Variants in NAALADL2 observed in about 807,000 individuals in gnomAD.
The protein encoded by NAALADL2 is inactive N-acetylated-alpha-linked acidic dipeptidase-like protein 2.
In NAALADL2, 76 loss-of-function variants were observed where a neutral mutation model predicts 87.2. The ratio of observed to expected loss-of-function variants is 0.87; its 90% CI spans 0.72 to 1.05. The LOEUF (loss-of-function observed/expected upper bound fraction) is 1.05, where lower values mean the gene tolerates loss of function less well. Ranked by LOEUF, NAALADL2 falls within the 50% of genes least tolerant of loss-of-function variation. NAALADL2 has a pLI of 0.00. For synonymous variants in NAALADL2, 354 were observed against 331.0 expected (o/e 1.07, Z -0.75); for missense variants, 1,089 against 945.8 (o/e 1.15, Z -1.99).
At chr3:175,693,717 T>C (rs191507796) in intron 11 of NAALADL2, among the ~76,000 whole-genome samples, 66 of 152,234 alleles carry the variant, frequency 4.3e-4, no homozygotes, top group Non-Finnish European at 6.6e-4. Flanking sequence ...GTTTGTTCGT[T>C]TTGACAGAGT....
chr3:175,159,995 C>G (rs1257560286), intron 2 of NAALADL2, among the ~76,000 whole-genome samples: 1 of 55,248 alleles, frequency 1.8e-5, no homozygotes, highest in Non-Finnish European at 5.6e-5. Flanking sequence ...TGCTACCACT[C>G]GTGACTTTTT....
At chr3:175,177,883 ATAATC>A (rs1437845597) in intron 2 of NAALADL2, among the ~76,000 whole-genome samples, 2 of 151,824 alleles carry the variant, frequency 1.3e-5, no homozygotes, top group Non-Finnish European at 2.9e-5. Context: ...CACCTACAAA[ATAATC>A]TAAAAGCAGC....
At chr3:175,408,204 A>C (rs1402312820) in intron 5 of NAALADL2, among the ~76,000 whole-genome samples, 1 of 152,104 alleles carries the variant, frequency 6.6e-6, no homozygotes, top group Admixed American at 6.6e-5. Flanking sequence ...TTGGTGATCT[A>C]TTGCTCTGCA....
chr3:175,570,456 A>T (rs1717886889), intron 9 of NAALADL2, among the ~76,000 whole-genome samples: 1 of 152,146 alleles, frequency 6.6e-6, no homozygotes, highest in Non-Finnish European at 1.5e-5. Context: ...GCAAGAAATC[A>T]TTTTTTTAAC....
intron 2 of NAALADL2, among the ~76,000 whole-genome samples, chr3:175,163,336 T>G (rs1733516054): frequency 6.6e-6 from 1 of 152,106 alleles, no homozygotes; most frequent in South Asian, 2.1e-4. Flanking sequence ...CATACTCTTT[T>G]TAAATGATGA....
At chr3:174,831,215 G>T (rs1328326525) in intron 3 of NAALADL2, among the ~76,000 whole-genome samples, 1 of 151,766 alleles carries the variant, frequency 6.6e-6, no homozygotes, top group Non-Finnish European at 1.5e-5. Flanking sequence ...TCCAGCTTTT[G>T]CCCATTCAGT....
At chr3:175,112,216 C>A (rs1724307589) in intron 2 of NAALADL2, among the ~76,000 whole-genome samples, 1 of 151,324 alleles carries the variant, frequency 6.6e-6, no homozygotes, top group African/African-American at 2.4e-5. Flanking sequence ...TGGAGTGTTG[C>A]CCAGCCCATG....
intron 1 of NAALADL2, among the ~76,000 whole-genome samples, chr3:174,865,865 T>C (rs1727079445): frequency 6.6e-6 from 1 of 151,954 alleles, no homozygotes; most frequent in Non-Finnish European, 1.5e-5. Context: ...ATGTATTTAC[T>C]TGCTTTATTT....
Position 175,337,149 on chromosome 3 carries a change from A to G in NAALADL2, c.1090+12824A>G, listed in dbSNP as rs75297510. 6.7e-3 allele frequency among the ~76,000 whole-genome samples: 1,012 copies of G among 152,124 alleles called. 7 individuals are homozygous for G. The highest frequency in any genetic ancestry group is 0.025 in the South Asian group (119 of 4,808). On this transcript the variant is annotated intron_variant, in intron 5 of 13. Coordinates refer to ENST00000454872, the MANE Select transcript of NAALADL2 (RefSeq NM_207015.3). Reference sequence around the variant, plus strand: ...TATGTAATTGGAATTACATAAGACAATTACATATTGTCTTATGTAATTACT... The same window carrying G: ...TATGTAATTGGAATTACATAAGACAGTTACATATTGTCTTATGTAATTACT...
intron 1 of NAALADL2, among the ~76,000 whole-genome samples, chr3:174,547,038 A>G (rs1722817612): frequency 6.6e-6 from 1 of 152,178 alleles, no homozygotes. Context: ...TTATTTTCAA[A>G]GAGAAGAGTA....
intron 11 of NAALADL2, among the ~76,000 whole-genome samples, chr3:175,701,266 T>C (rs904128972): frequency 6.6e-6 from 1 of 152,146 alleles, no homozygotes; most frequent in African/African-American, 2.4e-5. Context: ...TCCTGGTTGG[T>C]CTTGTGTAGA....
chr3:175,481,357 GTGTGTGTGTA>G (rs1726433973), intron 9 of NAALADL2, among the ~76,000 whole-genome samples: 1 of 150,270 alleles, frequency 6.7e-6, no homozygotes, highest in East Asian at 2.0e-4. Context: ...GTGTGTGTGT[GTGTGTGTGTA>G]TATAGCTGTG....
At chr3:175,405,794 T>C (rs569992394) in intron 5 of NAALADL2, among the ~76,000 whole-genome samples, 1 of 152,346 alleles carries the variant, frequency 6.6e-6, no homozygotes, top group South Asian at 2.1e-4. Context: ...CCAATAATCC[T>C]ATGAGGTTAA....
intron 9 of NAALADL2, among the ~76,000 whole-genome samples, chr3:175,511,521 C>T (rs1257023546): frequency 6.6e-6 from 1 of 152,198 alleles, no homozygotes; most frequent in African/African-American, 2.4e-5. Context: ...CCAGAAGAGA[C>T]CAAACCTGTG....
intron 1 of NAALADL2, among the ~76,000 whole-genome samples, chr3:174,499,629 T>TTTTG (rs141931866): frequency 0.016 from 2,480 of 152,220 alleles, 64 homozygotes; most frequent in African/African-American, 0.057. Context: ...TGCCTTTTCT[T>TTTTG]TTTGTGTATG....
At chr3:174,678,629 T>A (rs1333948722) in intron 2 of NAALADL2, among the ~76,000 whole-genome samples, 1 of 152,180 alleles carries the variant, frequency 6.6e-6, no homozygotes, top group Non-Finnish European at 1.5e-5. Flanking sequence ...ATATTTTCAT[T>A]ACACATTCCT....
chr3:175,422,387 A>C (rs908515848), intron 5 of NAALADL2, among the ~76,000 whole-genome samples: 1 of 152,236 alleles, frequency 6.6e-6, no homozygotes, highest in Non-Finnish European at 1.5e-5. Flanking sequence ...TGAAATAGAT[A>C]ATCTTAAAGC....
intron 2 of NAALADL2, among the ~76,000 whole-genome samples, chr3:174,568,507 A>T (rs1042061829): frequency 6.6e-6 from 1 of 151,870 alleles, no homozygotes; most frequent in East Asian, 1.9e-4. Context: ...TATCAGTACA[A>T]ATAAAAAAGG....
At chr3:174,554,766 T>C (rs1712551230) in intron 2 of NAALADL2, among the ~76,000 whole-genome samples, 1 of 152,318 alleles carries the variant, frequency 6.6e-6, no homozygotes, top group Admixed American at 6.5e-5. Context: ...TATATACCAA[T>C]AATTTTTTTC....
Sources: allele counts gnomAD v4.1 joint callset (sites outside exome capture counted in the v4.1 genomes callset), GRCh38; gene constraint gnomAD v4.1.1; transcripts MANE v1.5; gene names NCBI Gene and HGNC (gene_info 2026-07-23, HGNC 2026-07-21).